CHD7: variants seen among roughly 807,000 people sequenced by gnomAD.
CHD7 encodes the protein ATP-dependent chromatin remodeler CHD7.
CHD7 carries 24 observed loss-of-function variants against 307.3 expected under a neutral mutation model. That is an observed-to-expected ratio of 0.08 (90% CI 0.06 to 0.11). The LOEUF is 0.11. CHD7 is among the 10% of genes least tolerant of loss of function. The pLI is 1.00. For synonymous variants in CHD7, 1,363 were observed against 1,349.9 expected (o/e 1.01, Z -0.21); for missense variants, 3,106 against 3,727.1 (o/e 0.83, Z 4.34).
chr8:60,692,796 C>A (rs1466441564), intron 1 of CHD7, among the ~76,000 whole-genome samples: 1 of 152,118 alleles, frequency 6.6e-6, no homozygotes, highest in East Asian at 1.9e-4. Flanking sequence ...GTTGCTTATT[C>A]TTTTTCTTCC....
chr8:60,718,428 T>C (rs1807723561), intron 1 of CHD7, among the ~76,000 whole-genome samples: 1 of 151,938 alleles, frequency 6.6e-6, no homozygotes. Context: ...TGAGCCAAGA[T>C]TGTGCCATTG....
rs758409717 is a variant in CHD7 at position 60,853,060 on chromosome 8, C to T, written c.6335C>T (p.Thr2112Met). The T allele has an allele frequency of 3.9e-5, 63 of 1,613,818 alleles. No homozygotes were observed. Among genetic ancestry groups the T allele is most frequent in the South Asian group, 7.7e-5 (7 of 91,084 alleles). ...VGAAKHGVSR[T>M]DYHILNDPEL... ...GCTGCTAAACACGGGGTCAGTCGGA[C>T]GGATTATCACATCCTCAATGACCCT... The change falls in exon 31 of 38, where the codon ACG becomes ATG. Residue 2112 changes from threonine to methionine, a missense_variant. Physicochemically the swap from Thr to Met is moderately conservative, Grantham distance 81. Coordinates refer to ENST00000423902, the MANE Select transcript of CHD7 (RefSeq NM_017780.4).
chr8:60,808,006 C>T (rs777635508), intron 6 of CHD7, among the ~76,000 whole-genome samples: 9 of 152,212 alleles, frequency 5.9e-5, no homozygotes, highest in Non-Finnish European at 1.3e-4. Flanking sequence ...TAGAAGCTCT[C>T]GCACGTTGAG....
rs563052908 is a variant in CHD7, at chr8:60,766,630, C to T, written c.1666-14370C>T. ...CCTTTGTCTACATTGAAGGTGGAGG[C>T]AGCGTGATTTACAGAATGGATTAGA... On this transcript the variant is annotated intron_variant, in intron 2 of 37. Coordinates refer to ENST00000423902, the MANE Select transcript of CHD7 (RefSeq NM_017780.4). Among the ~76,000 whole-genome samples the T allele has an allele frequency of 3.9e-5, 6 of 152,212 alleles. No individual in the cohort carries two copies. The South Asian group carries it at 1.2e-3, about 32-fold the overall frequency.
chr8:60,839,467 A>G (rs1277752565), intron 19 of CHD7, among the ~76,000 whole-genome samples: 3 of 152,146 alleles, frequency 2.0e-5, no homozygotes, highest in African/African-American at 4.8e-5. Flanking sequence ...GCTGGGTCCT[A>G]TGTTAACTTC....
intron 1 of CHD7, among the ~76,000 whole-genome samples, chr8:60,721,814 G>A (rs1784493908): frequency 6.6e-6 from 1 of 152,148 alleles, no homozygotes; most frequent in African/African-American, 2.4e-5. Context: ...TGGCTCTCCC[G>A]CCCAACTAGG....
intron 2 of CHD7, among the ~76,000 whole-genome samples, chr8:60,746,546 C>T (rs1221484055): frequency 2.0e-5 from 3 of 152,092 alleles, no homozygotes; most frequent in African/African-American, 7.2e-5. Flanking sequence ...GGGAAGATAC[C>T]AGATTAGGTT....
Position 60,836,152 on chromosome 8 carries a change from C to T in CHD7, c.3858C>T (p.Ile1286=), listed in dbSNP as rs1804733471. 27 of 1,613,704 alleles carry T rather than the reference C, an allele frequency of 1.7e-5. No individual in the cohort carries two copies. The highest frequency in any genetic ancestry group is 2.3e-5 in the Non-Finnish European group (27 of 1,179,800). ...ESPDFQLQAM[I]QAAGKLVLID... is the part of the protein sequence containing the mutation. ...CAGATTTTCAGCTCCAGGCAATGATCCAGGCTGCTGGCAAGCTAGTGCTGA... is the reference window on the plus strand; with the variant it reads ...CAGATTTTCAGCTCCAGGCAATGATTCAGGCTGCTGGCAAGCTAGTGCTGA... Residue 1286 remains isoleucine, a synonymous_variant, in exon 16 of 38, where the codon ATC becomes ATT. Transcript: ENST00000423902.
intron 21 of CHD7, among the ~76,000 whole-genome samples, chr8:60,843,894 A>T (rs1345859708): frequency 1.3e-5 from 2 of 152,194 alleles, no homozygotes; most frequent in African/African-American, 2.4e-5. Context: ...TGGTTGGAGA[A>T]ACTTGAAGAA....
rs1586316315 is a variant in CHD7 at position 60,780,996 on chromosome 8, T to A, written c.1666-4T>A. ...TAATTTCAATTCCTATTTGTGTCTC[T>A]CAGCATTCCCCGTCGGAGCCCTTTC... On this transcript the variant is annotated splice_region_variant and splice_polypyrimidine_tract_variant and intron_variant, in intron 2 of 37. Transcript: ENST00000423902. The A allele has an allele frequency of 6.5e-7, 1 of 1,541,816 alleles. No homozygotes were observed. The highest frequency in any genetic ancestry group is 2.3e-5 in the East Asian group (1 of 44,082).
At chr8:60,818,024 A>T (rs1803829743) in intron 8 of CHD7, among the ~76,000 whole-genome samples, 1 of 152,198 alleles carries the variant, frequency 6.6e-6, no homozygotes, top group South Asian at 2.1e-4. Context: ...GGTTGAATGT[A>T]CATTATTTAC....
At chr8:60,777,325 A>G (rs1261538082) in intron 2 of CHD7, among the ~76,000 whole-genome samples, 1 of 152,242 alleles carries the variant, frequency 6.6e-6, no homozygotes, top group Non-Finnish European at 1.5e-5. Flanking sequence ...GAAGCATTGC[A>G]CACACTGTTA....
At chr8:60,863,471 A>T (rs1190859877) in intron 37 of CHD7, 1 of 152,186 alleles carries the variant, frequency 6.6e-6, no homozygotes, top group Non-Finnish European at 1.5e-5. Context: ...GCCCTCACAC[A>T]CTGAAGGACA....
chr8:60,707,954 A>T (rs2150519014), intron 1 of CHD7, among the ~76,000 whole-genome samples: 1 of 152,326 alleles, frequency 6.6e-6, no homozygotes, highest in East Asian at 1.9e-4. Context: ...TTAAGACCTC[A>T]AGTGTTTATT....
intron 34 of CHD7, among the ~76,000 whole-genome samples, chr8:60,858,968 C>G (rs910684618): frequency 1.3e-5 from 2 of 152,190 alleles, no homozygotes; most frequent in African/African-American, 2.4e-5. Flanking sequence ...AACACACGTG[C>G]TTTTTTCCTA....
At chr8:60,818,127 A>T (rs1033467647) in intron 8 of CHD7, among the ~76,000 whole-genome samples, 1 of 152,270 alleles carries the variant, frequency 6.6e-6, no homozygotes, top group Non-Finnish European at 1.5e-5. Flanking sequence ...TCTTTTATAC[A>T]TGAAAGTGCA....
intron 1 of CHD7, among the ~76,000 whole-genome samples, chr8:60,706,287 T>C (rs1484881467): frequency 6.6e-6 from 1 of 152,230 alleles, no homozygotes. Context: ...ATTGCTTAAG[T>C]TGATAATGTT....
At chr8:60,822,988 T>G (rs1221181465) in intron 12 of CHD7, among the ~76,000 whole-genome samples, 1 of 152,228 alleles carries the variant, frequency 6.6e-6, no homozygotes, top group African/African-American at 2.4e-5. Context: ...TTGCCTTGGA[T>G]GATCACTGAA....
chr8:60,727,655 T>A (rs903904686), intron 1 of CHD7, among the ~76,000 whole-genome samples: 1 of 152,212 alleles, frequency 6.6e-6, no homozygotes, highest in African/African-American at 2.4e-5. Context: ...CTGTCCTTGC[T>A]CTTTTCTCTT....
Sources: gnomAD v4.1 joint callset for allele counts (sites outside exome capture counted in the v4.1 genomes callset) on GRCh38, gnomAD v4.1.1 for gene constraint, MANE v1.5 for transcripts, NCBI Gene and HGNC (gene_info 2026-07-23, HGNC 2026-07-21) for gene names.